Variants in MAP3K9 observed in about 807,000 individuals in gnomAD.
MAP3K9 encodes the protein mixed lineage kinase 1 (tyr and ser/thr specificity).
MAP3K9 carries 46 observed loss-of-function variants against 95.8 expected under a neutral mutation model. That is an observed-to-expected ratio of 0.48 (90% CI 0.38 to 0.61). The LOEUF is 0.61. Among genes scored for constraint, MAP3K9 ranks in the 20% least tolerant of loss-of-function variants. MAP3K9 has a pLI of 0.00. For synonymous variants in MAP3K9, 533 were observed against 593.8 expected (o/e 0.90, Z 1.49); for missense variants, 1,296 against 1,474.3 (o/e 0.88, Z 1.98).
intron 8 of MAP3K9, among the ~76,000 whole-genome samples, chr14:70,736,275 C>T (rs764341434): frequency 1.3e-5 from 2 of 152,116 alleles, no homozygotes; most frequent in Admixed American, 1.3e-4. Flanking sequence ...TCCATAGATA[C>T]CCAAGCAGTC....
chr14:70,752,732 G>A (rs1948974042), intron 3 of MAP3K9, among the ~76,000 whole-genome samples: 1 of 152,090 alleles, frequency 6.6e-6, no homozygotes, highest in South Asian at 2.1e-4. Flanking sequence ...CTAACTACCT[G>A]GAAAGATCAT....
chr14:70,788,527 A>C (rs116715275), intron 2 of MAP3K9, among the ~76,000 whole-genome samples: 2 of 152,338 alleles, frequency 1.3e-5, no homozygotes, highest in African/African-American at 4.8e-5. Flanking sequence ...CTTAGCTAGC[A>C]AGTAACAGAG....
Position 70,755,488 on chromosome 14 carries a change from A to AG in MAP3K9, c.1002-5408_1002-5407insC, listed in dbSNP as rs2054287200. Among the ~76,000 whole-genome samples, 3 of 152,384 alleles carry AG rather than the reference A, an allele frequency of 2.0e-5. No homozygotes were observed. The South Asian group carries it at 6.2e-4, about 32-fold the overall frequency. On this transcript the variant is annotated intron_variant, in intron 3 of 11. Coordinates refer to ENST00000554752, the MANE Select transcript of MAP3K9 (RefSeq NM_001284230.2). The stretch of plus-strand genomic sequence containing the variant: ...GTCTGAGCCCAGTTACCTCATCTGT[A>AG]AAATGGAAATGATGATCCCTACTTT...
intron 2 of MAP3K9, among the ~76,000 whole-genome samples, chr14:70,787,104 A>G (rs1169013892): frequency 1.3e-5 from 2 of 152,196 alleles, no homozygotes; most frequent in Non-Finnish European, 2.9e-5. Context: ...ACTGGAATCT[A>G]GCATAACTAT....
chr14:70,741,986 C>T (rs1338057914), intron 6 of MAP3K9, among the ~76,000 whole-genome samples: 1 of 152,118 alleles, frequency 6.6e-6, no homozygotes, highest in Non-Finnish European at 1.5e-5. Context: ...TTTGCAGAGC[C>T]AAAACTTCTC....
At position 70,725,534 on chromosome 14, in the gene MAP3K9, G is replaced by A. The variant is rs762018960; in HGVS notation, c.*4846C>T. 4 of 152,162 alleles carry A rather than the reference G, an allele frequency of 2.6e-5. No individual in the cohort carries two copies. Among genetic ancestry groups the A allele is most frequent in the Admixed American group, 1.3e-4 (2 of 15,274 alleles). 9.4% of individuals were successfully genotyped at this position (152,162 alleles called of 1,614,324 possible). On this transcript the variant is annotated 3_prime_UTR_variant, in exon 12 of 12. Transcript: ENST00000554752. ...GCCTTCCAACACCAGCACCTGAGTG[G>A]TGAGCACCCACCCAGGTAGCAATGC...
At chr14:70,776,833 CTTTT>C (rs11361103) in intron 2 of MAP3K9, among the ~76,000 whole-genome samples, 5 of 138,482 alleles carry the variant, frequency 3.6e-5, no homozygotes, top group Non-Finnish European at 1.6e-5. Context: ...AGATCTCTCA[CTTTT>C]TTTTTTTTTT....
Position 70,732,906 on chromosome 14 carries a change from G to C in MAP3K9, c.2463C>G (p.Pro821=), listed in dbSNP as rs1330710121. 1 of 1,613,814 alleles carries C rather than the reference G, an allele frequency of 6.2e-7. No homozygotes were observed. Among genetic ancestry groups the C allele is most frequent in the African/African-American group, 1.3e-5 (1 of 74,898 alleles). ...CAGAGGGGTCTCCTAGCAACAGCAT[G>C]GGCTCCTCCTTCTTGAAAAGCTTTC... The part of the protein sequence containing the change: ...PSRKLFKKEE[P]MLLLGDPSAS... The change falls in exon 11 of 12, where the codon CCC becomes CCG. Residue 821 remains proline (P), a synonymous_variant. Coordinates refer to ENST00000554752, the MANE Select transcript of MAP3K9 (RefSeq NM_001284230.2).
chr14:70,754,787 A>G (rs965546119), intron 3 of MAP3K9, among the ~76,000 whole-genome samples: 9 of 152,154 alleles, frequency 5.9e-5, no homozygotes, highest in African/African-American at 2.2e-4. Context: ...GTAATTTTTT[A>G]AACTTAAAAT....
At position 70,727,904 on chromosome 14, in the gene MAP3K9, C is replaced by A. The variant is rs1347096707; in HGVS notation, c.*2476G>T. Reference sequence around the variant, plus strand: ...TTACACTACATCAGTTACACTACATCTAGAAAGATGGCTGCAACCTACCAC... The same window carrying A: ...TTACACTACATCAGTTACACTACATATAGAAAGATGGCTGCAACCTACCAC... On this transcript the variant is annotated 3_prime_UTR_variant, in exon 12 of 12. Coordinates refer to ENST00000554752, the MANE Select transcript of MAP3K9 (RefSeq NM_001284230.2). The A allele has an allele frequency of 6.6e-6, 1 of 152,200 alleles. No homozygotes were observed. The highest frequency in any genetic ancestry group is 2.4e-5 in the African/African-American group (1 of 41,442). The allele number at this position is 152,200 out of a possible 1,614,324, so 9.4% of individuals were successfully genotyped here.
chr14:70,756,927 A>G (rs1228092466), intron 3 of MAP3K9, among the ~76,000 whole-genome samples: 1 of 152,240 alleles, frequency 6.6e-6, no homozygotes, highest in African/African-American at 2.4e-5. Flanking sequence ...TGTTAAACTG[A>G]AACATGAAAT....
chr14:70,730,663 G>A lies in MAP3K9; in HGVS notation c.3032C>T (p.Ser1011Phe), dbSNP rs757877089. Residue 1011 changes from serine (S) to phenylalanine (F), a missense_variant, in exon 12 of 12, where the codon TCC (serine) becomes TTC (phenylalanine). Coordinates refer to ENST00000554752, the MANE Select transcript of MAP3K9 (RefSeq NM_001284230.2). The stretch of plus-strand genomic sequence containing the variant: ...GGAGGTGCTGCGGGCATGGCTGGGG[G>A]ACACAAACCACCAAGGGTCCAGCCG... ...RQRLDPWWFV[S>F]PSHARSTSPA... is the part of the protein sequence containing the mutation. 9 of 1,613,738 alleles carry A rather than the reference G, an allele frequency of 5.6e-6. No homozygotes were observed. Among genetic ancestry groups the A allele is most frequent in the Non-Finnish European group, 5.9e-6 (7 of 1,180,030 alleles).
chr14:70,732,742 G>T lies in MAP3K9; in HGVS notation c.2627C>A (p.Thr876Asn). Residue 876 changes from threonine to asparagine, a missense_variant, in exon 11 of 12, where the codon ACC (threonine) becomes AAC (asparagine). This residue lies in a region of MAP3K9 where 433 missense variants were observed against 441.4 expected (regional missense o/e 0.98). Coordinates refer to ENST00000554752, the MANE Select transcript of MAP3K9 (RefSeq NM_001284230.2). ...PVEAPPLSPC[T>N]HNPLVNVRVE... ...TCGGACATTGACCAGGGGGTTGTGG[G>T]TACATGGACTCAGGGGAGGGGCCTC... 1 of 1,609,204 alleles carries T rather than the reference G, an allele frequency of 6.2e-7. No homozygotes were observed. Among genetic ancestry groups the T allele is most frequent in the South Asian group, 1.1e-5 (1 of 90,606 alleles).
chr14:70,798,277 T>TG (rs2054886723), intron 2 of MAP3K9, among the ~76,000 whole-genome samples: 2 of 152,204 alleles, frequency 1.3e-5, no homozygotes, highest in Non-Finnish European at 2.9e-5. Context: ...CTATTAACTT[T>TG]TACAACTTTG....
At chr14:70,747,001 A>T (rs1228978212) in intron 5 of MAP3K9, among the ~76,000 whole-genome samples, 1 of 152,228 alleles carries the variant, frequency 6.6e-6, no homozygotes, top group East Asian at 1.9e-4. Flanking sequence ...CCCACCAGGG[A>T]CCCTAAAGAG....
intron 2 of MAP3K9, among the ~76,000 whole-genome samples, chr14:70,783,929 T>A (rs1260646264): frequency 3.9e-5 from 6 of 152,246 alleles, no homozygotes; most frequent in Non-Finnish European, 8.8e-5. Flanking sequence ...ATTTTTTAAA[T>A]TCCATAAACA....
At chr14:70,795,133 A>C (rs1275765382) in intron 2 of MAP3K9, among the ~76,000 whole-genome samples, 1 of 150,736 alleles carries the variant, frequency 6.6e-6, no homozygotes, top group African/African-American at 2.4e-5. Flanking sequence ...AGCTGGGACT[A>C]CAGGCGCATG....
At chr14:70,748,782 T>G in intron 5 of MAP3K9, 47 bp downstream of exon 5, 2 of 1,531,588 alleles carry the variant, frequency 1.3e-6, no homozygotes, top group Non-Finnish European at 1.8e-6. Context: ...AATGCATGCC[T>G]TTTTTCTTTT....
Position 70,728,775 on chromosome 14 carries a change from C to T in MAP3K9, c.*1605G>A, listed in dbSNP as rs939466743. 6.6e-6 allele frequency: 1 copy of T among 152,248 alleles called. No homozygotes were observed. The highest frequency in any genetic ancestry group is 6.5e-5 in the Admixed American group (1 of 15,282). The allele number at this position is 152,248 out of a possible 1,614,324, so 9.4% of individuals were successfully genotyped here. A position where few individuals can be genotyped will look rare whatever the true frequency, so the allele number is the denominator to read the frequency against. ...AGAGAAAGAGCAGTGACCAATTCAT[C>T]ACTGTTGCCAGCTGCACATCCAGGC... On this transcript the variant is annotated 3_prime_UTR_variant, in exon 12 of 12. Transcript: ENST00000554752.
Sources: allele counts gnomAD v4.1 joint callset (sites outside exome capture counted in the v4.1 genomes callset), GRCh38; gene constraint gnomAD v4.1.1; regional missense constraint gnomAD v4.1.1; transcripts MANE v1.5; gene names NCBI Gene and HGNC (gene_info 2026-07-23, HGNC 2026-07-21).